Variants in CTDSPL2 observed in about 807,000 individuals in gnomAD.
CTDSPL2 encodes the protein CTD small phosphatase like 2.
CTDSPL2 carries 5 observed loss-of-function variants against 60.0 expected under a neutral mutation model. The ratio of observed to expected loss-of-function variants is 0.08; its 90% CI spans 0.04 to 0.18. The LOEUF (loss-of-function observed/expected upper bound fraction) is 0.18, where lower values mean the gene tolerates loss of function less well. Ranked by LOEUF, CTDSPL2 falls within the 10% of genes least tolerant of loss-of-function variation. CTDSPL2 has a pLI of 1.00. For missense variants in CTDSPL2, 370 were observed against 548.8 expected (o/e 0.67, Z 3.26); for synonymous variants, 186 against 189.3 (o/e 0.98, Z 0.14).
At chr15:44,492,349 GAA>G (rs2081230807) in intron 5 of CTDSPL2, among the ~76,000 whole-genome samples, 1 of 151,644 alleles carries the variant, frequency 6.6e-6, no homozygotes, top group Non-Finnish European at 1.5e-5. Context: ...AAAGACAAAA[GAA>G]AAAAAGAAAC....
chr15:44,459,856 A>T (rs1033393073), intron 2 of CTDSPL2, among the ~76,000 whole-genome samples: 1 of 152,158 alleles, frequency 6.6e-6, no homozygotes, highest in African/African-American at 2.4e-5. Flanking sequence ...TTCAAGTTCT[A>T]ACATTTGTAT....
chr15:44,487,556 G>A (rs1188621967), intron 4 of CTDSPL2, among the ~76,000 whole-genome samples: 1 of 152,186 alleles, frequency 6.6e-6, no homozygotes, highest in Non-Finnish European at 1.5e-5. Flanking sequence ...AGCCGAATCT[G>A]GAAAAGTGGC....
At chr15:44,432,104 C>T (rs2079872389) in intron 1 of CTDSPL2, among the ~76,000 whole-genome samples, 1 of 151,832 alleles carries the variant, frequency 6.6e-6, no homozygotes, top group Non-Finnish European at 1.5e-5. Context: ...AGATGACAGG[C>T]ATGGTGGGGA....
chr15:44,489,690 T>C (rs1468267154), intron 4 of CTDSPL2, among the ~76,000 whole-genome samples: 1 of 152,206 alleles, frequency 6.6e-6, no homozygotes, highest in Non-Finnish European at 1.5e-5. Context: ...ATTGACATCA[T>C]CTGTAATAAC....
intron 5 of CTDSPL2, 108 bp downstream of exon 5, chr15:44,491,107 C>A: frequency 2.5e-6 from 2 of 787,816 alleles, no homozygotes; most frequent in Non-Finnish European, 2.0e-6. Flanking sequence ...GTTTTTCTTC[C>A]TGGAAGTTAA....
intron 7 of CTDSPL2, 130 bp from the exon 8 acceptor site, chr15:44,499,597 G>A: frequency 1.9e-6 from 1 of 529,424 alleles, no homozygotes; most frequent in Non-Finnish European, 3.3e-6. Flanking sequence ...GCCACATATA[G>A]TAATATATTA....
At chr15:44,494,335 G>A (rs531799057) in intron 5 of CTDSPL2, among the ~76,000 whole-genome samples, 1 of 152,304 alleles carries the variant, frequency 6.6e-6, no homozygotes, top group Admixed American at 6.5e-5. Flanking sequence ...CAGTGATTTT[G>A]ATCAGGTACA....
At chr15:44,492,511 A>G (rs2081233792) in intron 5 of CTDSPL2, among the ~76,000 whole-genome samples, 1 of 152,190 alleles carries the variant, frequency 6.6e-6, no homozygotes, top group Non-Finnish European at 1.5e-5. Context: ...TTATTGGGAT[A>G]TAGCCCCATC....
chr15:44,465,269 C>A (rs1215188588), intron 2 of CTDSPL2, among the ~76,000 whole-genome samples: 1 of 152,160 alleles, frequency 6.6e-6, no homozygotes, highest in African/African-American at 2.4e-5. Flanking sequence ...GAAGGCCTCA[C>A]AACTAAAATA....
intron 1 of CTDSPL2, among the ~76,000 whole-genome samples, chr15:44,440,861 C>G (rs78420647): frequency 0.095 from 14,434 of 152,084 alleles, 1,413 homozygotes; most frequent in East Asian, 0.23. Flanking sequence ...AGTCAGTGTA[C>G]TCAGGAGTTA....
At chr15:44,504,307 G>A (rs952249783) in intron 8 of CTDSPL2, among the ~76,000 whole-genome samples, 1 of 151,994 alleles carries the variant, frequency 6.6e-6, no homozygotes, top group Non-Finnish European at 1.5e-5. Context: ...CCAAGATTGC[G>A]CCACTGCACT....
At chr15:44,435,027 C>T (rs1430975950) in intron 1 of CTDSPL2, among the ~76,000 whole-genome samples, 2 of 152,122 alleles carry the variant, frequency 1.3e-5, no homozygotes, top group African/African-American at 4.8e-5. Flanking sequence ...TTTCGGAGGC[C>T]AAGGCAGGCG....
intron 1 of CTDSPL2, among the ~76,000 whole-genome samples, chr15:44,437,018 T>A (rs1229165004): frequency 6.6e-6 from 1 of 152,194 alleles, no homozygotes; most frequent in East Asian, 1.9e-4. Context: ...CTTACACACA[T>A]AGTCTGAAGG....
chr15:44,506,025 C>CTTTTTTTTTTTTTTTTT (rs753896129), intron 8 of CTDSPL2, among the ~76,000 whole-genome samples: 52 of 117,578 alleles, frequency 4.4e-4, no homozygotes, highest in African/African-American at 1.4e-3. Context: ...TCATTGGTAA[C>CTTTTTTTTTTTTTTTTT]TTTTTTTTTT....
intron 8 of CTDSPL2, among the ~76,000 whole-genome samples, chr15:44,508,879 C>T (rs556635241): frequency 6.6e-6 from 1 of 152,266 alleles, no homozygotes; most frequent in Admixed American, 6.5e-5. Context: ...AATCGCACCA[C>T]TGCACTCCAG....
chr15:44,528,144 AG>A lies in CTDSPL2; in HGVS notation c.*3973del, dbSNP rs951517269. ...CATGATTTGAGATCTTTTTTAAAAA[AG>A]GGTGGGGCGGCGGGGGAGAGAGCGA... On this transcript the variant is annotated 3_prime_UTR_variant, in exon 13 of 13. Coordinates refer to ENST00000260327, the MANE Select transcript of CTDSPL2 (RefSeq NM_016396.3). The A allele has an allele frequency of 6.6e-6, 1 of 152,098 alleles. No homozygotes were observed. The highest frequency in any genetic ancestry group is 1.5e-5 in the Non-Finnish European group (1 of 68,000). The allele number at this position is 152,098 out of a possible 1,614,324, so 9.4% of individuals were successfully genotyped here.
chr15:44,504,626 TG>T (rs2081429290), intron 8 of CTDSPL2, among the ~76,000 whole-genome samples: 1 of 151,638 alleles, frequency 6.6e-6, no homozygotes, highest in Admixed American at 6.6e-5. Flanking sequence ...ATCCCTGCAC[TG>T]GGAGGCTGAG....
At chr15:44,436,415 G>T (rs964627497) in intron 1 of CTDSPL2, among the ~76,000 whole-genome samples, 3 of 152,186 alleles carry the variant, frequency 2.0e-5, no homozygotes, top group African/African-American at 7.2e-5. Context: ...ATGGAAGGAT[G>T]AAGACAGCTC....
intron 2 of CTDSPL2, among the ~76,000 whole-genome samples, chr15:44,483,654 AC>A (rs1291646697): frequency 6.6e-6 from 1 of 152,228 alleles, no homozygotes; most frequent in African/African-American, 2.4e-5. Context: ...AATAGTATAA[AC>A]TGGTCATGGG....
Sources: allele counts gnomAD v4.1 joint callset (sites outside exome capture counted in the v4.1 genomes callset), GRCh38; gene constraint gnomAD v4.1.1; transcripts MANE v1.5; gene names NCBI Gene and HGNC (gene_info 2026-07-23, HGNC 2026-07-21).